The following VEZT variants were observed in gnomAD, a reference collection of about 807,000 sequenced individuals.
The protein encoded by VEZT is vezatin, adherens junctions transmembrane protein.
A neutral mutation model predicts 79.9 loss-of-function variants in VEZT; 39 were observed. The observed-to-expected ratio is 0.49, with a 90% CI of 0.38 to 0.64. The LOEUF is 0.64. Among genes scored for constraint, VEZT ranks in the 30% least tolerant of loss-of-function variants. VEZT has a pLI of 0.00. For missense variants in VEZT, 837 were observed against 893.1 expected, an observed-to-expected ratio of 0.94 and a Z score of 0.80; for synonymous variants, 325 against 327.6, an observed-to-expected ratio of 0.99 and a Z score of 0.09.
At chr12:95,246,004 T>C (rs2061662797) in intron 1 of VEZT, among the ~76,000 whole-genome samples, 1 of 152,228 alleles carries the variant, frequency 6.6e-6, no homozygotes, top group African/African-American at 2.4e-5. Context: ...AGCAATGATG[T>C]AGTAATGACA....
rs536723699 is a variant in VEZT, at chr12:95,282,410, C to T, written c.1094C>T (p.Thr365Ile). The T allele has an allele frequency of 1.9e-6, 3 of 1,613,980 alleles. No individual in the cohort carries two copies. The highest frequency in any genetic ancestry group is 2.7e-5 in the African/African-American group (2 of 75,046). Residue 365 changes from threonine to isoleucine, a missense_variant, in exon 8 of 12, where the codon ACT (threonine) becomes ATT (isoleucine). Transcript: ENST00000436874. ...AATTCACCTCCTGGGCCCTTACTTA[C>T]TCCAGCACTTCTGCCTCATCGTATC... is the stretch of plus-strand genomic sequence containing the variant. ...TANSPPGPLL[T>I]PALLPHRILS... is the part of the protein sequence containing the mutation.
At chr12:95,273,195 T>TA (rs1269882992) in intron 6 of VEZT, among the ~76,000 whole-genome samples, 2 of 152,182 alleles carry the variant, frequency 1.3e-5, no homozygotes, top group Non-Finnish European at 2.9e-5. Flanking sequence ...AAAACAATGA[T>TA]AGAGTTCTTA....
intron 3 of VEZT, among the ~76,000 whole-genome samples, chr12:95,260,801 T>C (rs1410476237): frequency 6.6e-6 from 1 of 152,212 alleles, no homozygotes; most frequent in Admixed American, 6.5e-5. Flanking sequence ...AAAGCTACCA[T>C]GCCCCTGCGC....
At chr12:95,226,398 AT>A (rs11309270) in intron 1 of VEZT, among the ~76,000 whole-genome samples, 31,526 of 147,874 alleles carry the variant, frequency 0.21, 3,855 homozygotes, top group African/African-American at 0.35. Context: ...TTTAACTGTG[AT>A]TTTTTTTTTT....
At chr12:95,294,682 C>T (rs543462731) in intron 10 of VEZT, among the ~76,000 whole-genome samples, 1 of 152,208 alleles carries the variant, frequency 6.6e-6, no homozygotes, top group East Asian at 1.9e-4. Context: ...ATGTAAAAAT[C>T]CTGTGCACTT....
At chr12:95,248,051 C>T (rs1158230939) in intron 1 of VEZT, among the ~76,000 whole-genome samples, 3 of 152,260 alleles carry the variant, frequency 2.0e-5, no homozygotes, top group East Asian at 3.9e-4. Context: ...ATGGTGATCA[C>T]CTTGGTAAGC....
chr12:95,267,953 T>C (rs1037315049), intron 5 of VEZT, among the ~76,000 whole-genome samples: 11 of 150,970 alleles, frequency 7.3e-5, no homozygotes, highest in South Asian at 2.1e-4. Context: ...CCCCAGGAGG[T>C]TGAGGCTGTA....
chr12:95,244,154 G>A (rs2061422140), intron 1 of VEZT: 1 of 347,740 alleles, frequency 2.9e-6, no homozygotes, highest in Non-Finnish European at 5.6e-6. Context: ...CCAGTGCTTT[G>A]GGCCGAGGTG....
chr12:95,259,135 C>T (rs12311718), intron 3 of VEZT, among the ~76,000 whole-genome samples: 17,280 of 151,568 alleles, frequency 0.11, 1,268 homozygotes, highest in East Asian at 0.16. Context: ...TCCTTTATTC[C>T]GTACTTATTC....
chr12:95,228,915 T>C (rs1038593635), intron 1 of VEZT, among the ~76,000 whole-genome samples: 1 of 152,076 alleles, frequency 6.6e-6, no homozygotes, highest in Non-Finnish European at 1.5e-5. Context: ...GGTGGGAGGA[T>C]TGCTTGAGCC....
intron 7 of VEZT, among the ~76,000 whole-genome samples, chr12:95,279,106 C>T (rs1157490715): frequency 1.3e-5 from 2 of 152,180 alleles, no homozygotes; most frequent in Non-Finnish European, 2.9e-5. Flanking sequence ...TAATTAATTT[C>T]TTATCCAAAA....
chr12:95,272,812 G>A (rs557897860), intron 6 of VEZT, among the ~76,000 whole-genome samples: 10 of 152,292 alleles, frequency 6.6e-5, no homozygotes, highest in African/African-American at 2.2e-4. Context: ...ACTGGAGTGT[G>A]GTGGCATGAT....
At chr12:95,281,480 AAATT>A (rs779115400) in intron 7 of VEZT, among the ~76,000 whole-genome samples, 4 of 152,200 alleles carry the variant, frequency 2.6e-5, no homozygotes, top group Non-Finnish European at 5.9e-5. Flanking sequence ...TCTATCACAA[AAATT>A]AATTAATTAA....
At chr12:95,227,119 G>C (rs1255469772) in intron 1 of VEZT, among the ~76,000 whole-genome samples, 1 of 152,140 alleles carries the variant, frequency 6.6e-6, no homozygotes, top group African/African-American at 2.4e-5. Flanking sequence ...TTGAGAGTAA[G>C]AATTCTCCAA....
At chr12:95,240,714 C>G (rs2137303612) in intron 1 of VEZT, among the ~76,000 whole-genome samples, 1 of 152,238 alleles carries the variant, frequency 6.6e-6, no homozygotes, top group East Asian at 1.9e-4. Context: ...TTGCAACAGG[C>G]TGTTGAGCAT....
chr12:95,240,740 A>C (rs2060897184), intron 1 of VEZT, among the ~76,000 whole-genome samples: 1 of 152,176 alleles, frequency 6.6e-6, no homozygotes, highest in African/African-American at 2.4e-5. Flanking sequence ...GTCATGGAAA[A>C]ACAGCTAATT....
Position 95,296,150 on chromosome 12 carries a change from G to A in VEZT, c.1723G>A (p.Glu575Lys), listed in dbSNP as rs1370020714. 6.4e-7 allele frequency: 1 copy of A among 1,572,738 alleles called. No homozygotes were observed. Among genetic ancestry groups the A allele is most frequent in the African/African-American group, 1.3e-5 (1 of 74,260 alleles). The stretch of plus-strand genomic sequence containing the variant: ...AGAAGACAAAGAGAGACAGAAGCGT[G>A]AGCATGAAGAATCCAAGAGGGTGCT... Reference protein sequence around the residue: ...SQEDKERQKREHEESKRVLQE... With the variant: ...SQEDKERQKRKHEESKRVLQE... The change falls in exon 11 of 12, where the codon GAG (glutamate) becomes AAG (lysine). Residue 575 changes from glutamate (E) to lysine (K), a missense_variant. Transcript: ENST00000436874.
chr12:95,248,428 A>G (rs1332719811), intron 1 of VEZT, among the ~76,000 whole-genome samples: 1 of 152,232 alleles, frequency 6.6e-6, no homozygotes, highest in Admixed American at 6.5e-5. Context: ...TACAGAACAT[A>G]TTTGAAGAAA....
chr12:95,257,386 G>A, intron 3 of VEZT, 147 bp downstream of exon 3: 2 of 655,130 alleles, frequency 3.1e-6, no homozygotes, highest in South Asian at 2.0e-5. Flanking sequence ...TTTAATTTGG[G>A]CTTACTGGTA....
Sources: gnomAD v4.1 joint callset for allele counts (sites outside exome capture counted in the v4.1 genomes callset) on GRCh38, gnomAD v4.1.1 for gene constraint, MANE v1.5 for transcripts, NCBI Gene and HGNC (gene_info 2026-07-23, HGNC 2026-07-21) for gene names.